CNBD1: variants seen among roughly 807,000 people sequenced by gnomAD.
The protein encoded by CNBD1 is cyclic nucleotide-binding domain-containing protein 1.
In CNBD1, 71 loss-of-function variants were observed where a neutral mutation model predicts 54.4. That is an observed-to-expected ratio of 1.30 (90% confidence interval 1.08 to 1.59). The LOEUF (loss-of-function observed/expected upper bound fraction) is 1.59. Among genes scored for constraint, CNBD1 ranks in the 40% most tolerant of loss-of-function variants. The pLI is 0.00. For missense variants in CNBD1, 659 were observed against 518.0 expected (o/e 1.27, Z -2.64); for synonymous variants, 182 against 170.7 (o/e 1.07, Z -0.51).
intron 6 of CNBD1, 85 bp from the exon 7 acceptor site, chr8:87,284,592 AG>A (rs1405831203): frequency 3.4e-6 from 4 of 1,190,468 alleles, no homozygotes; most frequent in Non-Finnish European, 4.6e-6. Flanking sequence ...ATAGAATGAA[AG>A]CTTGACCTAC....
At position 87,285,292 on chromosome 8, in the gene CNBD1, G is replaced by A. The variant is rs1237396463; in HGVS notation, c.909+477G>A. Among the ~76,000 whole-genome samples the A allele has an allele frequency of 2.6e-5, 4 of 152,296 alleles. No individual in the cohort carries two copies. The East Asian group carries it at 5.8e-4, about 22-fold the overall frequency. On this transcript the variant is annotated intron_variant, in intron 7 of 10. Coordinates refer to ENST00000518476, the MANE Select transcript of CNBD1 (RefSeq NM_173538.3). ...ATCAAACTCAGAGCTGCATGAATAAGTGATAACAACTTATTCTGATTCCCT... is the reference window on the plus strand; with the variant it reads ...ATCAAACTCAGAGCTGCATGAATAAATGATAACAACTTATTCTGATTCCCT...
chr8:87,118,665 C>T (rs1030999270), intron 4 of CNBD1, among the ~76,000 whole-genome samples: 2 of 152,064 alleles, frequency 1.3e-5, no homozygotes, highest in Non-Finnish European at 2.9e-5. Context: ...GTGAAGGTAC[C>T]TTGGCATGAT....
chr8:87,225,701 CT>C (rs977249765), intron 5 of CNBD1, among the ~76,000 whole-genome samples: 12 of 151,982 alleles, frequency 7.9e-5, no homozygotes, highest in Non-Finnish European at 1.5e-4. Context: ...CTAAAATTCT[CT>C]TTTTTGGTTG....
At chr8:87,406,247 A>G (rs1019303003) in intron 2 of CNBD1, among the ~76,000 whole-genome samples, 15 of 152,122 alleles carry the variant, frequency 9.9e-5, no homozygotes, top group African/African-American at 3.6e-4. Flanking sequence ...AAAATTGTTC[A>G]TAAACATCTG....
At chr8:86,958,115 C>G (rs1807827325) in intron 4 of CNBD1, among the ~76,000 whole-genome samples, 1 of 152,144 alleles carries the variant, frequency 6.6e-6, no homozygotes, top group African/African-American at 2.4e-5. Context: ...GCAGGTTGTT[C>G]AGTTTCCAGG....
chr8:87,273,224 G>C (rs185289931), intron 6 of CNBD1, among the ~76,000 whole-genome samples: 1 of 151,956 alleles, frequency 6.6e-6, no homozygotes, highest in East Asian at 1.9e-4. Flanking sequence ...TTATTAATTG[G>C]TTTAATTTTT....
chr8:87,220,598 T>A (rs1462950922), intron 5 of CNBD1, among the ~76,000 whole-genome samples: 1 of 151,902 alleles, frequency 6.6e-6, no homozygotes, highest in African/African-American at 2.4e-5. Context: ...TCATAGGTTT[T>A]TAGACCTTAC....
intron 4 of CNBD1, among the ~76,000 whole-genome samples, chr8:86,990,191 C>A (rs886239056): frequency 6.6e-6 from 1 of 152,074 alleles, no homozygotes; most frequent in Admixed American, 6.6e-5. Flanking sequence ...TGTGCAGAAG[C>A]TTTATAACTT....
chr8:87,151,958 A>G (rs888989397), intron 4 of CNBD1, among the ~76,000 whole-genome samples: 1 of 152,104 alleles, frequency 6.6e-6, no homozygotes, highest in Non-Finnish European at 1.5e-5. Context: ...CATCATCATT[A>G]TAATAATCAC....
At chr8:87,401,001 A>G (rs1807554803) in intron 2 of CNBD1, among the ~76,000 whole-genome samples, 2 of 152,018 alleles carry the variant, frequency 1.3e-5, no homozygotes, top group Admixed American at 1.3e-4. Context: ...GATTGAGGCT[A>G]AAGGACAGAA....
intron 2 of CNBD1, among the ~76,000 whole-genome samples, chr8:87,390,390 A>C (rs531754161): frequency 2.4e-4 from 37 of 152,340 alleles, no homozygotes; most frequent in Non-Finnish European, 4.9e-4. Flanking sequence ...ATGAACTTAA[A>C]CAAATTTACA....
chr8:87,304,638 A>AAAAT (rs141516703), intron 8 of CNBD1, among the ~76,000 whole-genome samples: 60 of 152,228 alleles, frequency 3.9e-4, no homozygotes, highest in African/African-American at 1.4e-3. Context: ...AAGTATAATA[A>AAAAT]AAATAAATAA....
intron 4 of CNBD1, among the ~76,000 whole-genome samples, chr8:87,186,378 A>T (rs1813475688): frequency 6.6e-6 from 1 of 152,114 alleles, no homozygotes; most frequent in Admixed American, 6.6e-5. Flanking sequence ...CTCTTTAGCC[A>T]ATCTAATCAA....
chr8:87,324,700 C>CT (rs570857420), intron 8 of CNBD1, among the ~76,000 whole-genome samples: 1 of 151,524 alleles, frequency 6.6e-6, no homozygotes, highest in Non-Finnish European at 1.5e-5. Context: ...CTCTTTTTTT[C>CT]TTAGTAGTCT....
intron 4 of CNBD1, among the ~76,000 whole-genome samples, chr8:87,026,214 CTT>C (rs1373640028): frequency 5.9e-5 from 9 of 152,128 alleles, no homozygotes; most frequent in Non-Finnish European, 1.2e-4. Flanking sequence ...CAAATTCTGT[CTT>C]TATACTGATA....
At chr8:86,987,320 T>C (rs1808631143) in intron 4 of CNBD1, among the ~76,000 whole-genome samples, 1 of 152,166 alleles carries the variant, frequency 6.6e-6, no homozygotes, top group South Asian at 2.1e-4. Flanking sequence ...TGAACCTTAT[T>C]GGACATAGAA....
At chr8:86,963,587 TCAAA>T (rs1375826816) in intron 4 of CNBD1, among the ~76,000 whole-genome samples, 19 of 152,076 alleles carry the variant, frequency 1.2e-4, no homozygotes, top group Non-Finnish European at 1.5e-5. Flanking sequence ...CAAGTCCTCC[TCAAA>T]CAAGGGAGAG....
chr8:86,964,646 A>G (rs1808023724), intron 4 of CNBD1, among the ~76,000 whole-genome samples: 1 of 152,234 alleles, frequency 6.6e-6, no homozygotes, highest in South Asian at 2.1e-4. Context: ...TTTACCACAC[A>G]TCTGTTGTAG....
intron 4 of CNBD1, among the ~76,000 whole-genome samples, chr8:87,015,975 C>T (rs1174797453): frequency 1.3e-4 from 9 of 68,390 alleles, no homozygotes; most frequent in Admixed American, 4.4e-4. Context: ...GAGAATCCGT[C>T]TCAAAAAAAA....
Sources: gnomAD v4.1 joint callset for allele counts (sites outside exome capture counted in the v4.1 genomes callset) on GRCh38, gnomAD v4.1.1 for gene constraint, MANE v1.5 for transcripts, NCBI Gene and HGNC (gene_info 2026-07-23, HGNC 2026-07-21) for gene names.